Variants in MACROD2 observed in about 807,000 individuals in gnomAD.
The protein encoded by MACROD2 is mono-ADP ribosylhydrolase 2, also known as ADP-ribose glycohydrolase MACROD2.
Under a neutral mutation model 70.4 loss-of-function variants are expected in MACROD2, and 36 were observed. The observed-to-expected ratio is 0.51, with a 90% confidence interval of 0.39 to 0.68. MACROD2 has a LOEUF of 0.68. Ranked by LOEUF, MACROD2 falls within the 30% of genes least tolerant of loss-of-function variation. MACROD2 has a pLI of 0.00. For missense variants in MACROD2, 496 were observed against 538.4 expected, an observed-to-expected ratio of 0.92 and a Z score of 0.78; for synonymous variants, 172 against 178.8, an observed-to-expected ratio of 0.96 and a Z score of 0.30.
At chr20:15,414,060 G>A in intron 6 of MACROD2, among the ~76,000 whole-genome samples, 1 of 152,048 alleles carries the variant, frequency 6.6e-6, no homozygotes, top group East Asian at 1.9e-4. Flanking sequence ...CCTAAACTGA[G>A]GTTATATATA....
chr20:13,995,696 CACACA>C lies in MACROD2; in HGVS notation c.-67_-63del. On this transcript the variant is annotated 5_prime_UTR_variant, in exon 1 of 18. Transcript: ENST00000684519. This position sits in a 1 kb window ranked among gnomAD's most constrained non-coding sequence, Gnocchi z 4.3. ...GTGCCCCCTCCCACCCCTCCCACTC[CACACA>C]CACCCTGTTTGCCCGTGAGCCTGGG... The C allele has an allele frequency of 6.8e-7, 1 of 1,460,996 alleles. No homozygotes were observed. Among genetic ancestry groups the C allele is most frequent in the Non-Finnish European group, 9.6e-7 (1 of 1,043,562 alleles). The allele number at this position is 1,460,996 out of a possible 1,614,324, so 90.5% of individuals were successfully genotyped here. A position where few individuals can be genotyped will look rare whatever the true frequency, so the allele number is the denominator to read the frequency against.
At chr20:15,693,297 TG>T (rs1201338913) in intron 8 of MACROD2, among the ~76,000 whole-genome samples, 1 of 152,248 alleles carries the variant, frequency 6.6e-6, no homozygotes, top group African/African-American at 2.4e-5. Flanking sequence ...TTGGTTTCTC[TG>T]TGAAACAGAG....
At chr20:15,968,476 G>A (rs923247129) in intron 13 of MACROD2, among the ~76,000 whole-genome samples, 13 of 151,734 alleles carry the variant, frequency 8.6e-5, no homozygotes, top group Admixed American at 7.2e-4. Context: ...TAGAAAGGAA[G>A]GCAAAACTCA....
chr20:15,899,674 A>C lies in MACROD2; in HGVS notation c.775+13863A>C, dbSNP rs73597713. Among the ~76,000 whole-genome samples, 591 of 152,268 alleles carry C rather than the reference A, an allele frequency of 3.9e-3. 2 individuals carry two copies. The highest frequency in any genetic ancestry group is 0.023 in the South Asian group (112 of 4,812). ...GCACTTTCCATCATATTTTTACAGA[A>C]AGCACTAGCACTTTGACTCTTGCTC... On this transcript the variant is annotated intron_variant, in intron 10 of 17. Transcript: ENST00000684519.
At chr20:16,020,015 C>T (rs959633688) in intron 15 of MACROD2, among the ~76,000 whole-genome samples, 2 of 152,206 alleles carry the variant, frequency 1.3e-5, no homozygotes, top group East Asian at 1.9e-4. Flanking sequence ...CACCTCCCAA[C>T]TGTTCTTCCC....
chr20:14,275,274 C>G (rs958916014), intron 3 of MACROD2, among the ~76,000 whole-genome samples: 1 of 152,022 alleles, frequency 6.6e-6, no homozygotes, highest in Non-Finnish European at 1.5e-5. Flanking sequence ...TACTGGTACC[C>G]AAACAGAGAT....
chr20:14,439,531 A>G (rs1362926201), intron 3 of MACROD2, among the ~76,000 whole-genome samples: 1 of 152,156 alleles, frequency 6.6e-6, no homozygotes, highest in African/African-American at 2.4e-5. Context: ...TATATAAGAA[A>G]TTGTTGAGAG....
At chr20:15,201,261 A>G (rs1252841261) in intron 5 of MACROD2, among the ~76,000 whole-genome samples, 1 of 152,120 alleles carries the variant, frequency 6.6e-6, no homozygotes, top group Non-Finnish European at 1.5e-5. Context: ...TCACCTGTAA[A>G]ATAAGCCAAA....
intron 3 of MACROD2, among the ~76,000 whole-genome samples, chr20:14,399,775 T>C (rs2083618431): frequency 6.6e-6 from 1 of 152,184 alleles, no homozygotes; most frequent in Non-Finnish European, 1.5e-5. Context: ...TTTTCCATCC[T>C]CTTCTCTGTT....
chr20:15,094,351 C>T (rs760277280), intron 5 of MACROD2, among the ~76,000 whole-genome samples: 8 of 152,108 alleles, frequency 5.3e-5, no homozygotes, highest in Non-Finnish European at 1.2e-4. Context: ...TATTTATGAA[C>T]CACCTATTAT....
chr20:15,407,279 G>A (rs1330352865), intron 6 of MACROD2, among the ~76,000 whole-genome samples: 1 of 152,106 alleles, frequency 6.6e-6, no homozygotes, highest in Non-Finnish European at 1.5e-5. Context: ...GGGAGTTGGT[G>A]GGTAAACACC....
chr20:14,490,222 GA>G (rs2084779492), intron 3 of MACROD2, among the ~76,000 whole-genome samples: 3 of 152,028 alleles, frequency 2.0e-5, no homozygotes, highest in African/African-American at 7.2e-5. Context: ...AGGTTCAAAT[GA>G]AAGAAAAAAT....
chr20:14,182,816 A>C (rs965860252), intron 3 of MACROD2, among the ~76,000 whole-genome samples: 2 of 151,942 alleles, frequency 1.3e-5, no homozygotes, highest in African/African-American at 2.4e-5. Context: ...CAGTGCTTGC[A>C]CTGCCTTTTG....
chr20:15,302,671 C>T (rs2077658464), intron 6 of MACROD2, among the ~76,000 whole-genome samples: 1 of 152,210 alleles, frequency 6.6e-6, no homozygotes, highest in Admixed American at 6.5e-5. Context: ...TCAAAGGACA[C>T]ATGTATATTT....
intron 3 of MACROD2, among the ~76,000 whole-genome samples, chr20:14,175,780 G>A (rs140063985): frequency 0.013 from 1,939 of 152,264 alleles, 16 homozygotes; most frequent in South Asian, 0.037. Context: ...CCTAAAATCA[G>A]AGCAAGCAGA....
intron 13 of MACROD2, among the ~76,000 whole-genome samples, chr20:15,982,808 C>T (rs1484199962): frequency 6.6e-6 from 1 of 152,210 alleles, no homozygotes; most frequent in Non-Finnish European, 1.5e-5. Flanking sequence ...ATCACCACAG[C>T]ATGGCAGGAC....
At chr20:15,586,898 TA>T (rs1273524722) in intron 8 of MACROD2, among the ~76,000 whole-genome samples, 1 of 150,110 alleles carries the variant, frequency 6.7e-6, no homozygotes, top group Non-Finnish European at 1.5e-5. Flanking sequence ...GAGATCTACA[TA>T]AAAAATCTTA....
chr20:16,010,706 T>G (rs1004008204), intron 15 of MACROD2, among the ~76,000 whole-genome samples: 1 of 152,152 alleles, frequency 6.6e-6, no homozygotes, highest in Non-Finnish European at 1.5e-5. Context: ...AGAGTCTGTT[T>G]GGGAGACAGC....
chr20:14,826,048 A>G (rs2072898892), intron 5 of MACROD2, among the ~76,000 whole-genome samples: 3 of 152,152 alleles, frequency 2.0e-5, no homozygotes, highest in Admixed American at 2.0e-4. Flanking sequence ...ATGTGGAACT[A>G]AAGTACAGCA....
Sources: gnomAD v4.1 joint callset for allele counts (sites outside exome capture counted in the v4.1 genomes callset) on GRCh38, gnomAD v4.1.1 for gene constraint, Gnocchi (gnomAD v3.1) non-coding constraint, MANE v1.5 for transcripts, NCBI Gene and HGNC (gene_info 2026-07-23, HGNC 2026-07-21) for gene names.